The following SLC25A25 variants were observed in gnomAD, a reference collection of about 807,000 sequenced individuals.
SLC25A25 encodes solute carrier family 25 member 25, also known as mitochondrial adenyl nucleotide antiporter SLC25A25.
In SLC25A25, 32 loss-of-function variants were observed where a neutral mutation model predicts 57.7. That is an observed-to-expected ratio of 0.55 (90% CI 0.42 to 0.74). SLC25A25 has a LOEUF of 0.74. SLC25A25 is among the 30% of genes least tolerant of loss of function. The probability of loss-of-function intolerance (pLI) is 0.00; values close to 1 mark genes in which losing one functional copy is unlikely to be tolerated. For synonymous variants in SLC25A25, 306 were observed against 291.2 expected, an observed-to-expected ratio of 1.05 and a Z score of -0.52; for missense variants, 556 against 701.3, an observed-to-expected ratio of 0.79 and a Z score of 2.34.
chr9:128,107,333 C>T lies in SLC25A25; in HGVS notation c.1437C>T (p.Phe479=), dbSNP rs775178382. The change falls in exon 11 of 11, where the codon TTC becomes TTT. Residue 479 remains phenylalanine, a synonymous_variant. Coordinates refer to ENST00000373069, the MANE Select transcript of SLC25A25 (RefSeq NM_001330988.2). ...ATATCCTGCGGACCGAGGGGGCCTT[C>T]GGGCTGTACAGGGGGCTGGCCCCCA... ...FKHILRTEGA[F]GLYRGLAPNF... is the part of the protein sequence containing the mutation. 1.4e-5 allele frequency: 22 copies of T among 1,545,048 alleles called. No individual in the cohort carries two copies. The highest frequency in any genetic ancestry group is 2.3e-5 in the East Asian group (1 of 44,112).
intron 1 of SLC25A25, among the ~76,000 whole-genome samples, chr9:128,079,364 T>C (rs1833087158): frequency 6.9e-6 from 1 of 144,632 alleles, no homozygotes; most frequent in Admixed American, 7.3e-5. Context: ...GCCTACATTG[T>C]GTAAGAAGAC....
chr9:128,102,277 C>A lies in SLC25A25; in HGVS notation c.513-93C>A. 7.0e-7 allele frequency: 1 copy of A among 1,429,182 alleles called. No homozygotes were observed. The highest frequency in any genetic ancestry group is 9.7e-7 in the Non-Finnish European group (1 of 1,028,754). 88.5% of individuals were successfully genotyped at this position (1,429,182 alleles called of 1,614,324 possible). A position where few individuals can be genotyped will look rare whatever the true frequency, so the allele number is the denominator to read the frequency against. Reference sequence around the variant, plus strand: ...GGCACCTCGTGTGGTTTCTGGGCATCCGAATGCCTGCCCTTGGCTCACTGG... The same window carrying A: ...GGCACCTCGTGTGGTTTCTGGGCATACGAATGCCTGCCCTTGGCTCACTGG... On this transcript the variant is annotated intron_variant, in intron 4 of 10. Transcript: ENST00000373069. The surrounding 1 kb of genome is among the most constrained non-coding windows in gnomAD (Gnocchi z 4.1).
At chr9:128,085,389 G>A (rs1486799257) in intron 1 of SLC25A25, among the ~76,000 whole-genome samples, 1 of 151,934 alleles carries the variant, frequency 6.6e-6, no homozygotes, top group Non-Finnish European at 1.5e-5. Flanking sequence ...TCCAAGGTGA[G>A]GAGGCCAGGA....
In SLC25A25 at chr9:128,101,984, C is replaced by T; in HGVS notation, c.477-96C>T. On this transcript the variant is annotated intron_variant, in intron 3 of 10. Transcript: ENST00000373069. This position sits in a 1 kb window ranked among gnomAD's most constrained non-coding sequence, Gnocchi z 4.9. The stretch of plus-strand genomic sequence containing the variant: ...GCTCGTCTCGTGCCGTGCTGTGCCC[C>T]TGTCTCTGGGTGTGTGCTTGCTTCA... 1 of 1,417,498 alleles carries T rather than the reference C, an allele frequency of 7.1e-7. No homozygotes were observed. Among genetic ancestry groups the T allele is most frequent in the Non-Finnish European group, 9.7e-7 (1 of 1,029,236 alleles). The allele number at this position is 1,417,498 out of a possible 1,614,324, so 87.8% of individuals were successfully genotyped here.
In SLC25A25 at chr9:128,107,474, G is replaced by A. The variant is rs781764705; in HGVS notation, c.*30G>A. Reference sequence around the variant, plus strand: ...GGGAGGGCCGCCCGGCAGTGGACTCGCTGATCCTGGGCCGCAGCCTGGGGT... The same window carrying A: ...GGGAGGGCCGCCCGGCAGTGGACTCACTGATCCTGGGCCGCAGCCTGGGGT... On this transcript the variant is annotated 3_prime_UTR_variant, in exon 11 of 11. Transcript: ENST00000373069. 3.7e-5 allele frequency: 55 copies of A among 1,504,268 alleles called. No homozygotes were observed. In the East Asian group the frequency reaches 1.1e-3, roughly 30 times the overall value. 93.2% of individuals were successfully genotyped at this position (1,504,268 alleles called of 1,614,324 possible).
Position 128,099,074 on chromosome 9 carries a change from G to A in SLC25A25, c.262-2022G>A, listed in dbSNP as rs1212990492. On this transcript the variant is annotated intron_variant, in intron 1 of 10. Transcript: ENST00000373069. The surrounding 1 kb of genome is among the most constrained non-coding windows in gnomAD (Gnocchi z 6.8). ...GTGCATGGGAGGAGAAGGCAGGGAG[G>A]CCCAGGAGTTGAGGGTGCTGCGTGG... The A allele has an allele frequency of 1.0e-6, 1 of 985,432 alleles. No homozygotes were observed. The highest frequency in any genetic ancestry group is 1.1e-4 in the East Asian group (1 of 8,808). The allele number at this position is 985,432 out of a possible 1,614,324, so 61.0% of individuals were successfully genotyped here. A position where few individuals can be genotyped will look rare whatever the true frequency, so the allele number is the denominator to read the frequency against.
At chr9:128,077,474 G>C (rs1002476175) in intron 1 of SLC25A25, among the ~76,000 whole-genome samples, 3 of 146,920 alleles carry the variant, frequency 2.0e-5, no homozygotes, top group Non-Finnish European at 1.5e-5. Context: ...CCGAGATCGC[G>C]CCACTGCACT....
intron 1 of SLC25A25, among the ~76,000 whole-genome samples, chr9:128,086,045 G>A (rs1188776355): frequency 6.6e-6 from 1 of 152,054 alleles, no homozygotes; most frequent in Non-Finnish European, 1.5e-5. Context: ...TACTTTGTAT[G>A]AGTTGACTTG....
At chr9:128,105,650 T>C in intron 6 of SLC25A25, 79 bp from the exon 7 acceptor site, 1 of 1,605,552 alleles carries the variant, frequency 6.2e-7, no homozygotes, top group East Asian at 2.2e-5. Flanking sequence ...CGCAGCCGGT[T>C]GGCCAGCAGA....
rs527757590 is a variant in SLC25A25 at position 128,107,031 on chromosome 9, G to A, written c.1215G>A (p.Thr405=). Residue 405 remains threonine (T), a splice_region_variant and synonymous_variant, in exon 10 of 11, where the codon ACG becomes ACA. Coordinates refer to ENST00000373069, the MANE Select transcript of SLC25A25 (RefSeq NM_001330988.2). ...YAGIDLAVYE[T]LKNAWLQHYA... Reference sequence around the variant, plus strand: ...CCCATGCTCCCTTCTCCTTCTAGACGCTCAAGAATGCCTGGCTGCAGCACT... The same window carrying A: ...CCCATGCTCCCTTCTCCTTCTAGACACTCAAGAATGCCTGGCTGCAGCACT... The A allele has an allele frequency of 1.1e-5, 17 of 1,613,658 alleles. No individual in the cohort carries two copies. Among genetic ancestry groups the A allele is most frequent in the African/African-American group, 4.0e-5 (3 of 75,018 alleles).
chr9:128,104,242 C>T (rs563338656), intron 6 of SLC25A25, among the ~76,000 whole-genome samples: 35 of 152,350 alleles, frequency 2.3e-4, no homozygotes, highest in Non-Finnish European at 4.0e-4. Flanking sequence ...GTCCACACAG[C>T]AGAGATAAGC....
chr9:128,093,618 C>T (rs1833474083), intron 1 of SLC25A25, among the ~76,000 whole-genome samples: 1 of 152,208 alleles, frequency 6.6e-6, no homozygotes, highest in Non-Finnish European at 1.5e-5. Flanking sequence ...GGGGGAGCCC[C>T]AAGTGGGATA....
Position 128,103,640 on chromosome 9 carries a change from C to T in SLC25A25, c.625-41C>T, listed in dbSNP as rs1430409866. ...GGCGACAGGTGCCAGCAGCCTTGCC[C>T]CAAGGGTCCTGAGTCAGGCTTGTGC... On this transcript the variant is annotated intron_variant, in intron 5 of 10. Transcript: ENST00000373069. The surrounding 1 kb of genome is among the most constrained non-coding windows in gnomAD (Gnocchi z 6.7). 6.2e-7 allele frequency: 1 copy of T among 1,613,840 alleles called. No homozygotes were observed. Among genetic ancestry groups the T allele is most frequent in the South Asian group, 1.1e-5 (1 of 91,042 alleles).
chr9:128,102,518 A>G lies in SLC25A25; in HGVS notation c.624+37A>G, dbSNP rs1165976664. 2 of 1,552,780 alleles carry G rather than the reference A, an allele frequency of 1.3e-6. No individual in the cohort carries two copies. The highest frequency in any genetic ancestry group is 2.7e-5 in the African/African-American group (2 of 73,468). ...GTGCCCAGGGCCCTCATCTGCTCCC[A>G]GGGACCCTTAGCCCAGAGTCACCCA... On this transcript the variant is annotated intron_variant, in intron 5 of 10. Transcript: ENST00000373069. This position sits in a 1 kb window ranked among gnomAD's most constrained non-coding sequence, Gnocchi z 4.1.
At chr9:128,104,408 T>A (rs1833932945) in intron 6 of SLC25A25, among the ~76,000 whole-genome samples, 1 of 152,122 alleles carries the variant, frequency 6.6e-6, no homozygotes, top group Non-Finnish European at 1.5e-5. Context: ...CTCCTTTCTC[T>A]CCCCAGTCTG....
At chr9:128,082,703 T>C (rs1488333226) in intron 1 of SLC25A25, among the ~76,000 whole-genome samples, 2 of 152,192 alleles carry the variant, frequency 1.3e-5, no homozygotes, top group Non-Finnish European at 2.9e-5. Context: ...TAGAGTGCAG[T>C]GGCGCAATCT....
chr9:128,070,401 C>CG (rs1832879374), intron 1 of SLC25A25, among the ~76,000 whole-genome samples: 1 of 148,478 alleles, frequency 6.7e-6, no homozygotes, highest in Non-Finnish European at 1.5e-5. Flanking sequence ...CCCGGCCACC[C>CG]AGCTAATTTT....
At position 128,102,547 on chromosome 9, in the gene SLC25A25, G is replaced by T. The variant is rs1443006336; in HGVS notation, c.624+66G>T. ...ACCCTTAGCCCAGAGTCACCCAGTC[G>T]TCCCCATCCCAGAGTGCAGCTGGGG... is the stretch of plus-strand genomic sequence containing the variant. On this transcript the variant is annotated intron_variant, in intron 5 of 10. Transcript: ENST00000373069. The surrounding 1 kb of genome is among the most constrained non-coding windows in gnomAD (Gnocchi z 4.1). The T allele has an allele frequency of 7.5e-7, 1 of 1,340,232 alleles. No individual in the cohort carries two copies. The allele number at this position is 1,340,232 out of a possible 1,614,324, so 83.0% of individuals were successfully genotyped here.
intron 1 of SLC25A25, among the ~76,000 whole-genome samples, chr9:128,084,464 G>A (rs1263701647): frequency 6.6e-6 from 1 of 151,962 alleles, no homozygotes; most frequent in Non-Finnish European, 1.5e-5. Context: ...CGCCTGGCCT[G>A]ACACTCCTTT....
Sources: gnomAD v4.1 joint callset for allele counts (sites outside exome capture counted in the v4.1 genomes callset) on GRCh38, gnomAD v4.1.1 for gene constraint, Gnocchi (gnomAD v3.1) non-coding constraint, MANE v1.5 for transcripts, NCBI Gene and HGNC (gene_info 2026-07-23, HGNC 2026-07-21) for gene names.